PTPN14: variants seen among roughly 807,000 people sequenced by gnomAD.
PTPN14 encodes tyrosine-protein phosphatase non-receptor type 14.
PTPN14 carries 53 observed loss-of-function variants against 126.8 expected under a neutral mutation model. That is an observed-to-expected ratio of 0.42 (90% confidence interval 0.34 to 0.53). PTPN14 has a LOEUF of 0.53. Ranked by LOEUF, PTPN14 falls within the 20% of genes least tolerant of loss-of-function variation. The pLI is 0.08. For missense variants in PTPN14, 1,257 were observed against 1,552.9 expected (o/e 0.81, Z 3.20); for synonymous variants, 630 against 599.3 (o/e 1.05, Z -0.75).
intron 3 of PTPN14, among the ~76,000 whole-genome samples, chr1:214,418,090 G>A (rs947438798): frequency 2.6e-5 from 4 of 152,164 alleles, no homozygotes; most frequent in Admixed American, 2.6e-4. Flanking sequence ...CAGTGAAATG[G>A]GAATGGAAGC....
In PTPN14 at chr1:214,354,342, C is replaced by G. The variant is rs1469069730; in HGVS notation, c.*3580G>C. On this transcript the variant is annotated 3_prime_UTR_variant, in exon 19 of 19. Coordinates refer to ENST00000366956, the MANE Select transcript of PTPN14 (RefSeq NM_005401.5). ...CCTTCCCTGATCTTATTGTTTAGCT[C>G]CGACTGAATATTGCAGCTCATTCAT... is the stretch of plus-strand genomic sequence containing the variant. The G allele has an allele frequency of 2.0e-5, 3 of 152,198 alleles. No individual in the cohort carries two copies. Among genetic ancestry groups the G allele is most frequent in the Non-Finnish European group, 4.4e-5 (3 of 68,040 alleles). The allele number at this position is 152,198 out of a possible 1,614,324, so 9.4% of individuals were successfully genotyped here. A position where few individuals can be genotyped will look rare whatever the true frequency, so the allele number is the denominator to read the frequency against.
Position 214,357,916 on chromosome 1 carries a change from G to C in PTPN14, c.*6C>G. The C allele has an allele frequency of 1.9e-6, 3 of 1,611,524 alleles. No individual in the cohort carries two copies. Among genetic ancestry groups the C allele is most frequent in the Non-Finnish European group, 2.5e-6 (3 of 1,178,490 alleles). On this transcript the variant is annotated 3_prime_UTR_variant, in exon 19 of 19. Transcript: ENST00000366956. ...GGTCCCTCCTCCAGGAGCTGGATTG[G>C]GGTGATTAAATGAGTCTGGAGTTTT...
At chr1:214,456,524 C>A (rs1259296972) in intron 2 of PTPN14, among the ~76,000 whole-genome samples, 1 of 152,140 alleles carries the variant, frequency 6.6e-6, no homozygotes, top group Non-Finnish European at 1.5e-5. Context: ...TCTGAGATTT[C>A]TATAACTGAC....
intron 3 of PTPN14, among the ~76,000 whole-genome samples, chr1:214,447,951 A>G (rs542105954): frequency 3.2e-4 from 49 of 152,350 alleles, no homozygotes; most frequent in African/African-American, 1.1e-3. Flanking sequence ...TCTGAAATAA[A>G]CCAGGCTAAT....
At chr1:214,376,974 T>C (rs1658357034) in intron 14 of PTPN14, among the ~76,000 whole-genome samples, 2 of 152,242 alleles carry the variant, frequency 1.3e-5, no homozygotes, top group Admixed American at 1.3e-4. Flanking sequence ...CACCCTGGTG[T>C]TATTAGTACT....
At chr1:214,459,633 C>A (rs1660464077) in intron 2 of PTPN14, among the ~76,000 whole-genome samples, 1 of 152,058 alleles carries the variant, frequency 6.6e-6, no homozygotes, top group South Asian at 2.1e-4. Flanking sequence ...CCACGCCCAG[C>A]TAATTTTTGT....
chr1:214,421,615 C>T (rs984092585), intron 3 of PTPN14, among the ~76,000 whole-genome samples: 4 of 152,074 alleles, frequency 2.6e-5, no homozygotes, highest in African/African-American at 7.2e-5. Flanking sequence ...ACAAAACACC[C>T]AATGATCCTA....
intron 3 of PTPN14, among the ~76,000 whole-genome samples, chr1:214,448,631 A>G (rs967351016): frequency 5.9e-5 from 9 of 152,100 alleles, no homozygotes; most frequent in Non-Finnish European, 1.2e-4. Context: ...ACAGCTCTAG[A>G]ATCATATTTA....
chr1:214,386,896 A>C lies in PTPN14; in HGVS notation c.1014T>G (p.Pro338=), dbSNP rs777017772. 12 of 1,608,416 alleles carry C rather than the reference A, an allele frequency of 7.5e-6. No individual in the cohort carries two copies. Among genetic ancestry groups the C allele is most frequent in the Non-Finnish European group, 1.0e-5 (12 of 1,175,126 alleles). ...SLPRQQPYIL[P]PVHVQCGEHY... ...GCTCACCACACTGGACGTGAACGGG[A>C]GGCAGGATGTACGGCTGCTGCCTGG... Residue 338 remains proline, a synonymous_variant, in exon 12 of 19, where the codon CCT becomes CCG. Transcript: ENST00000366956.
chr1:214,464,577 C>G (rs1660584448), intron 2 of PTPN14, 53 bp downstream of exon 2: 2 of 1,586,302 alleles, frequency 1.3e-6, no homozygotes, highest in Non-Finnish European at 1.7e-6. Flanking sequence ...TTCTCCTTCA[C>G]ATACCCAACA....
At chr1:214,467,961 G>A (rs551914480) in intron 1 of PTPN14, among the ~76,000 whole-genome samples, 9 of 152,138 alleles carry the variant, frequency 5.9e-5, no homozygotes, top group East Asian at 1.9e-4. Context: ...GGGGGAGGCC[G>A]TACAGGCTGC....
rs114222257 is a variant in PTPN14 at position 214,493,127 on chromosome 1, T to C, written c.-154-28170A>G. ...ATGTTCGGAGGTCAGAAGGCCCAAA[T>C]TGGGCTGGCTGCAGGGCAGAGGGGT... On this transcript the variant is annotated intron_variant, in intron 1 of 18. Coordinates refer to ENST00000366956, the MANE Select transcript of PTPN14 (RefSeq NM_005401.5). 1.8e-4 allele frequency among the ~76,000 whole-genome samples: 27 copies of C among 152,238 alleles called. 1 individual carries two copies. The highest frequency in any genetic ancestry group is 3.5e-4 in the Non-Finnish European group (24 of 68,006).
intron 3 of PTPN14, among the ~76,000 whole-genome samples, chr1:214,441,579 AT>A (rs1057248997): frequency 3.9e-5 from 6 of 152,124 alleles, no homozygotes; most frequent in South Asian, 4.1e-4. Context: ...CAACGTCAAG[AT>A]TTTTTTTAAA....
At position 214,414,663 on chromosome 1, in the gene PTPN14, G is replaced by A. The variant is rs1269234289; in HGVS notation, c.408C>T (p.Asp136=). Residue 136 remains aspartate, a synonymous_variant, in exon 4 of 19, where the codon GAC becomes GAT. Coordinates refer to ENST00000366956, the MANE Select transcript of PTPN14 (RefSeq NM_005401.5). The part of the protein sequence containing the change: ...VLEGRLRCTL[D]QVIRLAGLAV... ...CTAGGCCGGCTAGCCGAATCACCTG[G>A]TCCAATGTACATCGTAATCGCCCTT... 4 of 1,613,930 alleles carry A rather than the reference G, an allele frequency of 2.5e-6. No homozygotes were observed. The highest frequency in any genetic ancestry group is 3.4e-6 in the Non-Finnish European group (4 of 1,179,960).
At chr1:214,525,539 C>A (rs1655367355) in intron 1 of PTPN14, among the ~76,000 whole-genome samples, 1 of 152,154 alleles carries the variant, frequency 6.6e-6, no homozygotes, top group South Asian at 2.1e-4. Flanking sequence ...CAAAAACAAA[C>A]CTGGCAACTA....
chr1:214,391,177 T>C, intron 10 of PTPN14, 132 bp from the exon 11 acceptor site: 1 of 512,402 alleles, frequency 2.0e-6, no homozygotes, highest in Non-Finnish European at 3.2e-6. Context: ...GTGGCTTATT[T>C]CTGGGTGGTA....
At chr1:214,518,020 T>C (rs1234576102) in intron 1 of PTPN14, among the ~76,000 whole-genome samples, 1 of 152,192 alleles carries the variant, frequency 6.6e-6, no homozygotes, top group Non-Finnish European at 1.5e-5. Flanking sequence ...AAAAAACTTA[T>C]AAAATCCTCC....
intron 13 of PTPN14, among the ~76,000 whole-genome samples, chr1:214,378,976 T>C (rs1658410009): frequency 6.6e-6 from 1 of 152,290 alleles, no homozygotes; most frequent in East Asian, 1.9e-4. Context: ...AAATTGAAAT[T>C]GGATTGGGCA....
At chr1:214,442,085 T>C (rs896892840) in intron 3 of PTPN14, among the ~76,000 whole-genome samples, 2 of 152,222 alleles carry the variant, frequency 1.3e-5, no homozygotes, top group Non-Finnish European at 1.5e-5. Context: ...TTGTTTGCTT[T>C]TGAGAAAAGT....
Sources: gnomAD v4.1 joint callset for allele counts (sites outside exome capture counted in the v4.1 genomes callset) on GRCh38, gnomAD v4.1.1 for gene constraint, MANE v1.5 for transcripts, NCBI Gene and HGNC (gene_info 2026-07-23, HGNC 2026-07-21) for gene names.